TRIQK: variants seen among roughly 807,000 people sequenced by gnomAD.
The protein encoded by TRIQK is triple QxxK/R motif containing.
Under a neutral mutation model 10.8 loss-of-function variants are expected in TRIQK, and 10 were observed. The ratio of observed to expected loss-of-function variants is 0.92; its 90% CI spans 0.57 to 1.57. TRIQK has a LOEUF of 1.57. TRIQK is among the 40% of genes most tolerant of loss of function. The pLI is 0.00. For synonymous variants in TRIQK, 33 were observed against 33.7 expected, an observed-to-expected ratio of 0.98 and a Z score of 0.07; for missense variants, 107 against 97.7, an observed-to-expected ratio of 1.09 and a Z score of -0.40.
chr8:92,988,208 T>G (rs920646786), intron 1 of TRIQK, among the ~76,000 whole-genome samples: 2 of 151,394 alleles, frequency 1.3e-5, no homozygotes, highest in Non-Finnish European at 2.9e-5. Context: ...AGTAGAGACG[T>G]GGTTTCACCG....
At chr8:92,960,278 ATTCTT>A (rs1812386315) in intron 1 of TRIQK, among the ~76,000 whole-genome samples, 1 of 152,044 alleles carries the variant, frequency 6.6e-6, no homozygotes, top group African/African-American at 2.4e-5. Context: ...AGTGGACTCT[ATTCTT>A]TATTCTCCAT....
intron 2 of TRIQK, among the ~76,000 whole-genome samples, chr8:92,924,635 A>AAATG (rs1339915905): frequency 6.6e-6 from 1 of 152,026 alleles, no homozygotes. Context: ...ACACTTAAGG[A>AAATG]AATGAAAAAA....
chr8:93,005,520 C>T (rs976001133), intron 1 of TRIQK, among the ~76,000 whole-genome samples: 3 of 152,024 alleles, frequency 2.0e-5, no homozygotes, highest in Admixed American at 1.3e-4. Flanking sequence ...ATACACAAAT[C>T]GACGTGTGAT....
Position 92,999,423 on chromosome 8 carries a change from T to C in TRIQK, c.-181+18186A>G, listed in dbSNP as rs140441698. 5.7e-4 allele frequency among the ~76,000 whole-genome samples: 87 copies of C among 152,326 alleles called. No individual in the cohort carries two copies. In the Middle Eastern group the frequency reaches 0.01, roughly 18 times the overall value. On this transcript the variant is annotated intron_variant, in intron 1 of 4. Transcript: ENST00000520686. ...GTCTCTGAACATATATACTAATTAC[T>C]CTAAGTTTTTAATCCATTTTACAGA...
At chr8:92,961,877 C>A (rs978063893) in intron 1 of TRIQK, among the ~76,000 whole-genome samples, 28 of 152,202 alleles carry the variant, frequency 1.8e-4, no homozygotes, top group African/African-American at 6.5e-4. Context: ...TTCTCCACTT[C>A]AGTGGCTTAA....
intron 1 of TRIQK, among the ~76,000 whole-genome samples, chr8:92,982,454 G>A (rs1187149405): frequency 1.3e-5 from 2 of 151,938 alleles, no homozygotes; most frequent in African/African-American, 2.4e-5. Context: ...AAATGCATGT[G>A]TACAAAACAA....
Position 92,886,733 on chromosome 8 carries a change from T to C in TRIQK, c.150A>G (p.Glu50=). Residue 50 remains glutamate, a splice_region_variant and synonymous_variant, in exon 5 of 5, where the codon GAA becomes GAG. Coordinates refer to ENST00000521988, the MANE Select transcript of TRIQK (RefSeq NM_001171797.2). The part of the protein sequence containing the change: ...EAKKTAIGIK[E]VGLVLAAILA... ...ATATAGCTGCAAGTACAAGGCCAAC[T>C]TCCTGGGAAGAAAAAAAAAGTAGAC... The C allele has an allele frequency of 2.6e-6, 4 of 1,517,340 alleles. No individual in the cohort carries two copies. Among genetic ancestry groups the C allele is most frequent in the Non-Finnish European group, 3.5e-6 (4 of 1,131,756 alleles). The allele number at this position is 1,517,340 out of a possible 1,614,324, so 94.0% of individuals were successfully genotyped here. A position where few individuals can be genotyped will look rare whatever the true frequency, so the allele number is the denominator to read the frequency against.
intron 4 of TRIQK, 116 bp downstream of exon 4, chr8:92,891,873 T>C (rs1351833475): frequency 5.6e-6 from 4 of 717,028 alleles, no homozygotes; most frequent in Non-Finnish European, 8.6e-6. Context: ...TCTGGCATTC[T>C]ATTTAGATTG....
At chr8:92,932,996 A>C (rs1423055863) in intron 2 of TRIQK, among the ~76,000 whole-genome samples, 1 of 152,004 alleles carries the variant, frequency 6.6e-6, no homozygotes, top group Non-Finnish European at 1.5e-5. Context: ...CATTTCTCTA[A>C]GGGCCCACTT....
rs999215839 is a variant in TRIQK at position 92,988,789 on chromosome 8, G to A, written c.-181+28820C>T. Among the ~76,000 whole-genome samples, 15 of 152,136 alleles carry A rather than the reference G, an allele frequency of 9.9e-5. No individual in the cohort carries two copies. In the South Asian group the frequency reaches 1.9e-3, roughly 19 times the overall value. On this transcript the variant is annotated intron_variant, in intron 1 of 4. Coordinates refer to the TRIQK transcript ENST00000520686. ...AAATTTTGTTGAACATAAGTTTCTCGACATCAGGGATTATATCTTATTTAA... is the reference window on the plus strand; with the variant it reads ...AAATTTTGTTGAACATAAGTTTCTCAACATCAGGGATTATATCTTATTTAA...
Position 92,886,658 on chromosome 8 carries a change from C to T in TRIQK, c.225G>A (p.Thr75=), listed in dbSNP as rs1050709969. 9.8e-6 allele frequency: 15 copies of T among 1,530,354 alleles called. No individual in the cohort carries two copies. The Middle Eastern group carries it at 1.0e-3, about 103-fold the overall frequency. 94.8% of individuals were successfully genotyped at this position (1,530,354 alleles called of 1,614,324 possible). Residue 75 remains threonine (T), a synonymous_variant, in exon 5 of 5, where the codon ACG becomes ACA. Coordinates refer to ENST00000521988, the MANE Select transcript of TRIQK (RefSeq NM_001171797.2). ...FYAFFYLRLT[T]DVDPDLDQDE... ...CTTGGTCCAGATCAGGGTCAACATC[C>T]GTGGTGAGTCTGAGATAAAAGAAAG...
chr8:92,918,839 C>T (rs1384317313), intron 2 of TRIQK, among the ~76,000 whole-genome samples: 1 of 150,738 alleles, frequency 6.6e-6, no homozygotes, highest in African/African-American at 2.4e-5. Flanking sequence ...TTTTTCCAGT[C>T]ATTTCATAGT....
chr8:92,995,382 G>A (rs2130752808), intron 1 of TRIQK, among the ~76,000 whole-genome samples: 1 of 152,118 alleles, frequency 6.6e-6, no homozygotes, highest in South Asian at 2.1e-4. Flanking sequence ...AATCTTGTCA[G>A]AATATGTGTG....
chr8:93,016,733 A>G (rs972138933), intron 1 of TRIQK, among the ~76,000 whole-genome samples: 3 of 152,114 alleles, frequency 2.0e-5, no homozygotes, highest in Non-Finnish European at 4.4e-5. Context: ...TGAGCACTGG[A>G]TGGGTGATGA....
intron 1 of TRIQK, among the ~76,000 whole-genome samples, chr8:92,983,930 G>GTT (rs1206236171): frequency 6.6e-6 from 1 of 152,020 alleles, no homozygotes; most frequent in Non-Finnish European, 1.5e-5. Context: ...AGCTCAACAG[G>GTT]TTTTAGTTCA....
intron 3 of TRIQK, among the ~76,000 whole-genome samples, chr8:92,908,795 A>T (rs1809416255): frequency 6.6e-6 from 1 of 152,082 alleles, no homozygotes; most frequent in Non-Finnish European, 1.5e-5. Flanking sequence ...AATTACTCAA[A>T]TGAATTATTG....
chr8:92,959,839 G>A (rs969535723), intron 1 of TRIQK, among the ~76,000 whole-genome samples: 4 of 152,018 alleles, frequency 2.6e-5, no homozygotes, highest in African/African-American at 7.2e-5. Context: ...GACTGTATAC[G>A]TAAGAGTGGT....
At chr8:92,985,412 A>C (rs1482104205) in intron 1 of TRIQK, among the ~76,000 whole-genome samples, 1 of 152,242 alleles carries the variant, frequency 6.6e-6, no homozygotes, top group South Asian at 2.1e-4. Flanking sequence ...TTCTTCTTCT[A>C]CTTTTTGATT....
At chr8:92,907,044 T>C (rs527891519) in intron 3 of TRIQK, among the ~76,000 whole-genome samples, 2 of 152,140 alleles carry the variant, frequency 1.3e-5, no homozygotes, top group African/African-American at 4.8e-5. Flanking sequence ...CATCTTGAAA[T>C]AACATGAAAA....
Sources: gnomAD v4.1 joint callset for allele counts (sites outside exome capture counted in the v4.1 genomes callset) on GRCh38, gnomAD v4.1.1 for gene constraint, MANE v1.5 for transcripts, NCBI Gene and HGNC (gene_info 2026-07-23, HGNC 2026-07-21) for gene names.